MOXD1: variants seen among roughly 807,000 people sequenced by gnomAD.
MOXD1 encodes the protein DBH-like monooxygenase protein 1.
A neutral mutation model predicts 66.6 loss-of-function variants in MOXD1; 62 were observed. That is an observed-to-expected ratio of 0.93 (90% CI 0.76 to 1.15). The LOEUF (loss-of-function observed/expected upper bound fraction) is 1.15. Among genes scored for constraint, MOXD1 ranks in the 50% most tolerant of loss-of-function variants. MOXD1 has a pLI of 0.00. For missense variants in MOXD1, 847 were observed against 754.6 expected (o/e 1.12, Z -1.44); for synonymous variants, 303 against 281.9 (o/e 1.07, Z -0.75).
chr6:132,337,366 T>A (rs1049148035), intron 4 of MOXD1, among the ~76,000 whole-genome samples: 1 of 152,202 alleles, frequency 6.6e-6, no homozygotes, highest in Non-Finnish European at 1.5e-5. Flanking sequence ...ATAAAATACT[T>A]TGCTTTTGTT....
At chr6:132,311,092 TCCTC>T (rs1774819770) in intron 10 of MOXD1, among the ~76,000 whole-genome samples, 3 of 152,236 alleles carry the variant, frequency 2.0e-5, no homozygotes, top group South Asian at 4.1e-4. Context: ...AAGGAAAAAT[TCCTC>T]CATTCGTCCA....
chr6:132,332,900 C>T (rs918796705), intron 4 of MOXD1, among the ~76,000 whole-genome samples: 2 of 152,156 alleles, frequency 1.3e-5, no homozygotes, highest in African/African-American at 2.4e-5. Context: ...AGCTCCATGC[C>T]CCTTCCTGCT....
In MOXD1 at chr6:132,401,181, G is replaced by T. The variant is rs747952943; in HGVS notation, c.246C>A (p.His82Gln). 1 of 1,535,062 alleles carries T rather than the reference G, an allele frequency of 6.5e-7. No homozygotes were observed. Among genetic ancestry groups the T allele is most frequent in the Non-Finnish European group, 8.7e-7 (1 of 1,148,140 alleles). The stretch of plus-strand genomic sequence containing the variant: ...CGCTTACCTGGAGGTAGGGCCGCCC[G>T]TGGGCCACCCCGCCCACGACGATGT... ...SADIVVGGVA[H>Q]GRPYLQDYFT... The change falls in exon 1 of 12, where the codon CAC becomes CAA. Residue 82 changes from histidine to glutamine, a missense_variant. By Grantham distance (24) the His-to-Gln change is conservative. Coordinates refer to ENST00000367963, the MANE Select transcript of MOXD1 (RefSeq NM_015529.4).
chr6:132,377,258 T>G (rs1776409907), intron 1 of MOXD1, among the ~76,000 whole-genome samples: 1 of 152,208 alleles, frequency 6.6e-6, no homozygotes, highest in Non-Finnish European at 1.5e-5. Context: ...ATTTTCCCAT[T>G]TTTCATCACA....
At chr6:132,336,285 A>T (rs1259119519) in intron 4 of MOXD1, among the ~76,000 whole-genome samples, 1 of 152,204 alleles carries the variant, frequency 6.6e-6, no homozygotes, top group Admixed American at 6.5e-5. Context: ...CCTGAGGCAC[A>T]AGTTGCTGCC....
intron 4 of MOXD1, among the ~76,000 whole-genome samples, chr6:132,341,158 G>A (rs948009940): frequency 6.6e-6 from 1 of 152,132 alleles, no homozygotes; most frequent in African/African-American, 2.4e-5. Context: ...GTATTAAGAG[G>A]TAGGGTCTTT....
chr6:132,343,161 A>C lies in MOXD1; in HGVS notation c.664-14567T>G, dbSNP rs964865867. ...AAGTAAACATTAAATTACCAAAATA[A>C]TGGAGAAATTATTTGCAACACTTAT... On this transcript the variant is annotated intron_variant, in intron 4 of 11. Transcript: ENST00000367963. Among the ~76,000 whole-genome samples the C allele has an allele frequency of 4.6e-5, 7 of 152,250 alleles. No individual in the cohort carries two copies. The South Asian group carries it at 1.2e-3, about 27-fold the overall frequency.
chr6:132,388,706 T>C (rs529970554), intron 1 of MOXD1, among the ~76,000 whole-genome samples: 3 of 151,294 alleles, frequency 2.0e-5, no homozygotes, highest in Non-Finnish European at 3.0e-5. Context: ...AAAAAGGGGG[T>C]CCATTTTGTT....
intron 4 of MOXD1, among the ~76,000 whole-genome samples, chr6:132,342,549 T>A (rs1775586360): frequency 6.6e-6 from 1 of 152,240 alleles, no homozygotes; most frequent in African/African-American, 2.4e-5. Flanking sequence ...TATTTGTGTA[T>A]GAGTGTCTGT....
intron 4 of MOXD1, among the ~76,000 whole-genome samples, chr6:132,344,394 G>C (rs1323962327): frequency 6.6e-6 from 1 of 152,182 alleles, no homozygotes; most frequent in Non-Finnish European, 1.5e-5. Context: ...AGGTCAGCTG[G>C]TTATTCATAT....
At chr6:132,351,169 A>G (rs1775792559) in intron 4 of MOXD1, among the ~76,000 whole-genome samples, 1 of 152,142 alleles carries the variant, frequency 6.6e-6, no homozygotes, top group African/African-American at 2.4e-5. Flanking sequence ...TAGGACTTCC[A>G]GTACTATGCT....
intron 1 of MOXD1, among the ~76,000 whole-genome samples, chr6:132,382,540 AT>A: frequency 6.6e-6 from 1 of 152,242 alleles, no homozygotes; most frequent in South Asian, 2.1e-4. Flanking sequence ...TTGTTTATAC[AT>A]TTTTAGATAA....
intron 1 of MOXD1, among the ~76,000 whole-genome samples, chr6:132,377,145 T>C (rs1250872740): frequency 6.6e-6 from 1 of 152,232 alleles, no homozygotes; most frequent in East Asian, 1.9e-4. Context: ...ACATAAAATG[T>C]TACTTTTCTT....
chr6:132,385,610 A>T (rs995094763), intron 1 of MOXD1, among the ~76,000 whole-genome samples: 1 of 151,526 alleles, frequency 6.6e-6, no homozygotes, highest in East Asian at 2.0e-4. Flanking sequence ...CAGCCTCCCA[A>T]GTAACTGGGA....
intron 4 of MOXD1, among the ~76,000 whole-genome samples, chr6:132,338,184 C>T (rs7739587): frequency 2.0e-5 from 3 of 152,236 alleles, no homozygotes; most frequent in South Asian, 2.1e-4. Flanking sequence ...AGTGTCACAG[C>T]GCAGATTTGA....
At chr6:132,352,337 T>C (rs1775817830) in intron 4 of MOXD1, among the ~76,000 whole-genome samples, 1 of 152,202 alleles carries the variant, frequency 6.6e-6, no homozygotes, top group Non-Finnish European at 1.5e-5. Flanking sequence ...TGTGTCATTA[T>C]TGTCATTCAG....
intron 4 of MOXD1, among the ~76,000 whole-genome samples, chr6:132,349,454 T>TAC (rs1775753203): frequency 7.8e-5 from 2 of 25,520 alleles, no homozygotes; most frequent in Non-Finnish European, 6.7e-5. Flanking sequence ...TATATATACA[T>TAC]ATATATATAT....
intron 6 of MOXD1, among the ~76,000 whole-genome samples, chr6:132,327,579 T>C (rs1390190435): frequency 6.6e-6 from 1 of 152,218 alleles, no homozygotes; most frequent in Non-Finnish European, 1.5e-5. Context: ...ATAAGTACTT[T>C]TTGAGTACAT....
chr6:132,384,461 G>C lies in MOXD1; in HGVS notation c.265-9684C>G, dbSNP rs183331906. On this transcript the variant is annotated intron_variant, in intron 1 of 11. Transcript: ENST00000367963. ...ACAATGGAACTTATAGTTTAGTTGG[G>C]GGGGACAGACAATTTCTAAAGAAAC... Among the ~76,000 whole-genome samples, 34 of 152,232 alleles carry C rather than the reference G, an allele frequency of 2.2e-4. No individual in the cohort carries two copies. In the East Asian group the frequency reaches 6.4e-3, roughly 28 times the overall value.
Sources: allele counts gnomAD v4.1 joint callset (sites outside exome capture counted in the v4.1 genomes callset), GRCh38; gene constraint gnomAD v4.1.1; transcripts MANE v1.5; gene names NCBI Gene and HGNC (gene_info 2026-07-23, HGNC 2026-07-21).